The following CXXC1 variants were observed in gnomAD, a reference collection of about 807,000 sequenced individuals.
The protein encoded by CXXC1 is CXXC finger protein 1, also known as CXXC-type zinc finger protein 1.
Under a neutral mutation model 83.6 loss-of-function variants are expected in CXXC1, and 21 were observed. The ratio of observed to expected loss-of-function variants is 0.25; its 90% CI spans 0.18 to 0.36. CXXC1 has a LOEUF of 0.36. Among genes scored for constraint, CXXC1 ranks in the 10% least tolerant of loss-of-function variants. The probability of loss-of-function intolerance (pLI) is 1.00; values close to 1 mark genes in which losing one functional copy is unlikely to be tolerated. For synonymous variants in CXXC1, 371 were observed against 337.5 expected (o/e 1.10, Z -1.09); for missense variants, 688 against 919.5 (o/e 0.75, Z 3.26).
intron 3 of CXXC1, 139 bp downstream of exon 3, chr18:50,286,400 G>A: frequency 1.9e-6 from 2 of 1,056,264 alleles, no homozygotes; most frequent in East Asian, 2.4e-5. Context: ...CTCTTCCCGT[G>A]GGATCTTCTA....
At chr18:50,286,451 G>A in intron 3 of CXXC1, 88 bp downstream of exon 3, 2 of 1,182,674 alleles carry the variant, frequency 1.7e-6, no homozygotes, top group Non-Finnish European at 2.5e-6. Context: ...CCACAGACGT[G>A]TATCACTAAT....
Position 50,287,610 on chromosome 18 carries a change from C to T in CXXC1, c.-21G>A. 1 of 1,610,468 alleles carries T rather than the reference C, an allele frequency of 6.2e-7. No individual in the cohort carries two copies. Among genetic ancestry groups the T allele is most frequent in the Non-Finnish European group, 8.5e-7 (1 of 1,179,808 alleles). On this transcript the variant is annotated 5_prime_UTR_variant, in exon 1 of 15. Transcript: ENST00000285106. ...ACCATATCTCCGCTCCCGGCGCACT[C>T]CCTCACGACCCCCGCCAGCGACCCG...
At chr18:50,287,407 C>T in intron 1 of CXXC1, 180 bp downstream of exon 1, 1 of 717,642 alleles carries the variant, frequency 1.4e-6, no homozygotes, top group Non-Finnish European at 2.4e-6. Context: ...TTAAGGAGCC[C>T]CCCACCGTGG....
Position 50,284,814 on chromosome 18 carries a change from G to T in CXXC1, c.938C>A (p.Ser313Tyr), listed in dbSNP as rs548498211. The T allele has an allele frequency of 1.1e-5, 17 of 1,614,142 alleles. No individual in the cohort carries two copies. The highest frequency in any genetic ancestry group is 1.7e-5 in the Admixed American group (1 of 60,028). ...CCGCAGCGCGGGGTCCAGGAATGGG[G>T]ACTCTTCTGTGTCGCTCATCCAGGG... ...GLPWMSDTEESPFLDPALRKR... is the reference protein window; with the variant it reads ...GLPWMSDTEEYPFLDPALRKR... Residue 313 changes from serine (S) to tyrosine (Y), a missense_variant, in exon 8 of 15, where the codon TCC becomes TAC. Physicochemically the swap from Ser to Tyr is moderately radical, Grantham distance 144 (BLOSUM62 -2). Transcript: ENST00000285106.
In CXXC1 at chr18:50,285,608, G is replaced by T; in HGVS notation, c.639+141C>A. On this transcript the variant is annotated intron_variant, in intron 5 of 14. Coordinates refer to ENST00000285106, the MANE Select transcript of CXXC1 (RefSeq NM_014593.4). The surrounding 1 kb of genome is among the most constrained non-coding windows in gnomAD (Gnocchi z 4.4). Reference sequence around the variant, plus strand: ...TACCAGGTCATGCCCCATTCATCTGGACATGACAGGCCCCTTCCCACCTGT... The same window carrying T: ...TACCAGGTCATGCCCCATTCATCTGTACATGACAGGCCCCTTCCCACCTGT... 1 of 1,148,952 alleles carries T rather than the reference G, an allele frequency of 8.7e-7. No individual in the cohort carries two copies. Among genetic ancestry groups the T allele is most frequent in the East Asian group, 2.5e-5 (1 of 40,794 alleles). 71.2% of individuals were successfully genotyped at this position (1,148,952 alleles called of 1,614,324 possible).
At position 50,285,215 on chromosome 18, in the gene CXXC1, T is replaced by C. The variant is rs1363772493; in HGVS notation, c.699A>G (p.Pro233=). 6.2e-7 allele frequency: 1 copy of C among 1,614,174 alleles called. No homozygotes were observed. Among genetic ancestry groups the C allele is most frequent in the Admixed American group, 1.7e-5 (1 of 60,022 alleles). The stretch of plus-strand genomic sequence containing the variant: ...GGGTGGGCAGTGGCCGGCGGGGCCT[T>C]GGCAGGGACTCTGAGGGCGTCACTG... ...LSPVTPSESL[P]RPRRPLPTQQ... is the part of the protein sequence containing the mutation. The change falls in exon 7 of 15, where the codon CCA becomes CCG. Residue 233 remains proline, a synonymous_variant. Coordinates refer to ENST00000285106, the MANE Select transcript of CXXC1 (RefSeq NM_014593.4). This position sits in a 1 kb window ranked among gnomAD's most constrained non-coding sequence, Gnocchi z 4.4.
rs773005021 is a variant in CXXC1, at chr18:50,283,962, G to A, written c.1345C>T (p.Arg449Cys). 6.2e-6 allele frequency: 10 copies of A among 1,613,852 alleles called. No homozygotes were observed. The highest frequency in any genetic ancestry group is 1.7e-5 in the Admixed American group (1 of 60,016). The change falls in exon 10 of 15, where the codon CGC (arginine) becomes TGC (cysteine). Residue 449 changes from arginine to cysteine, a missense_variant. Coordinates refer to ENST00000285106, the MANE Select transcript of CXXC1 (RefSeq NM_014593.4). ...SARTRLQEME[R>C]RFHELEAIIL... ...ATGGCCTCAAGCTCATGGAATCGGCGTTCCATTTCCTGAAGGCGAGTGCGG... is the reference window on the plus strand; with the variant it reads ...ATGGCCTCAAGCTCATGGAATCGGCATTCCATTTCCTGAAGGCGAGTGCGG...
At position 50,282,691 on chromosome 18, in the gene CXXC1, C is replaced by G; in HGVS notation, c.1873G>C (p.Ala625Pro). ...LFEQERNVRTAMTNRAGLLAL... is the reference protein window; with the variant it reads ...LFEQERNVRTPMTNRAGLLAL... Reference sequence around the variant, plus strand: ...AGCAATCCCGCGCGGTTTGTCATGGCTGTGCGCACATTGCGCTCCTGCTCA... The same window carrying G: ...AGCAATCCCGCGCGGTTTGTCATGGGTGTGCGCACATTGCGCTCCTGCTCA... Residue 625 changes from alanine to proline, a missense_variant, in exon 15 of 15, where the codon GCC becomes CCC. Ala to Pro is a conservative substitution (Grantham distance 27). Around this residue, in one of 9 missense-constraint regions of CXXC1, gnomAD observed 114 missense variants for 173.3 expected, o/e 0.66. Transcript: ENST00000285106. The surrounding 1 kb of genome is among the most constrained non-coding windows in gnomAD (Gnocchi z 5.8). 1 of 1,613,868 alleles carries G rather than the reference C, an allele frequency of 6.2e-7. No individual in the cohort carries two copies. Among genetic ancestry groups the G allele is most frequent in the Non-Finnish European group, 8.5e-7 (1 of 1,180,042 alleles).
chr18:50,286,651 G>A lies in CXXC1; in HGVS notation c.123-12C>T. On this transcript the variant is annotated splice_polypyrimidine_tract_variant and intron_variant, in intron 2 of 14. Coordinates refer to ENST00000285106, the MANE Select transcript of CXXC1 (RefSeq NM_014593.4). Reference sequence around the variant, plus strand: ...AGTTGTCACACCCGCTGCAGAGGATGGGGCAGGCGATGGAGATGTGAGGGG... The same window carrying A: ...AGTTGTCACACCCGCTGCAGAGGATAGGGCAGGCGATGGAGATGTGAGGGG... 3 of 1,613,624 alleles carry A rather than the reference G, an allele frequency of 1.9e-6. No homozygotes were observed. Among genetic ancestry groups the A allele is most frequent in the East Asian group, 2.2e-5 (1 of 44,870 alleles).
chr18:50,282,378 C>T lies in CXXC1; in HGVS notation c.*215G>A. On this transcript the variant is annotated 3_prime_UTR_variant, in exon 15 of 15. Coordinates refer to ENST00000285106, the MANE Select transcript of CXXC1 (RefSeq NM_014593.4). This position sits in a 1 kb window ranked among gnomAD's most constrained non-coding sequence, Gnocchi z 5.8. Reference sequence around the variant, plus strand: ...TCTTCAAAATTTTATTAACAAAACCCAGGGAGAGGAGGCAAGGATGAGTGG... The same window carrying T: ...TCTTCAAAATTTTATTAACAAAACCTAGGGAGAGGAGGCAAGGATGAGTGG... The T allele has an allele frequency of 1.6e-6, 1 of 609,954 alleles. No homozygotes were observed. Among genetic ancestry groups the T allele is most frequent in the African/African-American group, 1.8e-5 (1 of 54,858 alleles). 37.8% of individuals were successfully genotyped at this position (609,954 alleles called of 1,614,324 possible). A position where few individuals can be genotyped will look rare whatever the true frequency, so the allele number is the denominator to read the frequency against.
rs2040561451 is a variant in CXXC1, at chr18:50,282,844, A to G, written c.1824+10T>C. On this transcript the variant is annotated intron_variant, in intron 14 of 14. Transcript: ENST00000285106. This position sits in a 1 kb window ranked among gnomAD's most constrained non-coding sequence, Gnocchi z 5.8. ...ACCACATGCAGCACCAAAACCGCACAGAAACCTACCACACGCACGCGCTCC... is the reference window on the plus strand; with the variant it reads ...ACCACATGCAGCACCAAAACCGCACGGAAACCTACCACACGCACGCGCTCC... 2 of 1,614,024 alleles carry G rather than the reference A, an allele frequency of 1.2e-6. No individual in the cohort carries two copies. Among genetic ancestry groups the G allele is most frequent in the Non-Finnish European group, 8.5e-7 (1 of 1,179,886 alleles).
In CXXC1 at chr18:50,286,718, C is replaced by T. The variant is rs781552180; in HGVS notation, c.122+22G>A. 4.3e-6 allele frequency: 7 copies of T among 1,609,740 alleles called. No homozygotes were observed. In the African/African-American group the frequency reaches 5.3e-5, roughly 12 times the overall value. Reference sequence around the variant, plus strand: ...CACCCCACCCTGCCAGTGTCAGCCCCGCCCATCTCTCCCGCGCTCACATCA... The same window carrying T: ...CACCCCACCCTGCCAGTGTCAGCCCTGCCCATCTCTCCCGCGCTCACATCA... On this transcript the variant is annotated intron_variant, in intron 2 of 14. Transcript: ENST00000285106.
In CXXC1 at chr18:50,282,538, A is replaced by C; in HGVS notation, c.*55T>G. 6.3e-7 allele frequency: 1 copy of C among 1,590,984 alleles called. No individual in the cohort carries two copies. Among genetic ancestry groups the C allele is most frequent in the Non-Finnish European group, 8.5e-7 (1 of 1,173,518 alleles). ...TGAGTGGAGGAACGGACACACGGGC[A>C]CCGGGCGGCTCCCCCATCTGGAATG... is the stretch of plus-strand genomic sequence containing the variant. On this transcript the variant is annotated 3_prime_UTR_variant, in exon 15 of 15. Coordinates refer to ENST00000285106, the MANE Select transcript of CXXC1 (RefSeq NM_014593.4). This position sits in a 1 kb window ranked among gnomAD's most constrained non-coding sequence, Gnocchi z 5.8.
rs753631641 is a variant in CXXC1, at chr18:50,285,289, C to T, written c.666+36G>A. 9.3e-6 allele frequency: 15 copies of T among 1,610,686 alleles called. No homozygotes were observed. Among genetic ancestry groups the T allele is most frequent in the Admixed American group, 5.0e-5 (3 of 59,858 alleles). On this transcript the variant is annotated intron_variant, in intron 6 of 14. Coordinates refer to ENST00000285106, the MANE Select transcript of CXXC1 (RefSeq NM_014593.4). The surrounding 1 kb of genome is among the most constrained non-coding windows in gnomAD (Gnocchi z 4.4). ...CAGGACTGGCCCTGACCGCCCTGCC[C>T]GCATGCCCCACCCCACCCTGGGGGG...
In CXXC1 at chr18:50,283,692, C is replaced by T; in HGVS notation, c.1524+13G>A. 1.2e-6 allele frequency: 2 copies of T among 1,613,880 alleles called. No homozygotes were observed. Among genetic ancestry groups the T allele is most frequent in the South Asian group, 1.1e-5 (1 of 91,080 alleles). On this transcript the variant is annotated intron_variant, in intron 11 of 14. Coordinates refer to ENST00000285106, the MANE Select transcript of CXXC1 (RefSeq NM_014593.4). Reference sequence around the variant, plus strand: ...TTCCCACATGGTCCGCCCCCTCAGTCTGACACCCCAACCTTGGCGTAGCAG... The same window carrying T: ...TTCCCACATGGTCCGCCCCCTCAGTTTGACACCCCAACCTTGGCGTAGCAG...
chr18:50,286,332 C>CT, intron 3 of CXXC1, 75 bp from the exon 4 acceptor site: 1 of 1,370,242 alleles, frequency 7.3e-7, no homozygotes, highest in Non-Finnish European at 1.0e-6. Flanking sequence ...CTTTCTTCCT[C>CT]TTCGCTCCCT....
chr18:50,284,225 C>A, intron 9 of CXXC1, 124 bp from the exon 10 acceptor site: 1 of 1,433,690 alleles, frequency 7.0e-7, no homozygotes, highest in Non-Finnish European at 9.5e-7. Context: ...TGGATGGACA[C>A]ACGGGCAGGT....
intron 1 of CXXC1, chr18:50,287,311 T>C: frequency 1.8e-6 from 1 of 541,062 alleles, no homozygotes; most frequent in Non-Finnish European, 3.3e-6. Flanking sequence ...ATGTGACTCC[T>C]TACAACCCGC....
At chr18:50,284,947 C>A in intron 7 of CXXC1, 55 bp downstream of exon 7, 1 of 1,612,850 alleles carries the variant, frequency 6.2e-7, no homozygotes, top group Non-Finnish European at 8.5e-7. Context: ...ATTAGGGATA[C>A]TCTCTGCTTC....
Sources: gnomAD v4.1 joint callset for allele counts on GRCh38, gnomAD v4.1.1 for gene constraint, gnomAD v4.1.1 regional missense constraint, Gnocchi (gnomAD v3.1) non-coding constraint, MANE v1.5 for transcripts, NCBI Gene and HGNC (gene_info 2026-07-23, HGNC 2026-07-21) for gene names.